The following DEPDC5 variants were observed in gnomAD, a reference collection of about 807,000 sequenced individuals.
The protein encoded by DEPDC5 is GATOR1 complex protein DEPDC5.
DEPDC5 carries 73 observed loss-of-function variants against 217.3 expected under a neutral mutation model. That is an observed-to-expected ratio of 0.34 (90% CI 0.28 to 0.41). The LOEUF (loss-of-function observed/expected upper bound fraction) is 0.41. Ranked by LOEUF, DEPDC5 falls within the 10% of genes least tolerant of loss-of-function variation. The pLI is 1.00. For missense variants in DEPDC5, 1,675 were observed against 2,070.1 expected (o/e 0.81, Z 3.70); for synonymous variants, 733 against 756.7 (o/e 0.97, Z 0.51).
At position 31,793,069 on chromosome 22, in the gene DEPDC5, AAAAT is replaced by A. The variant is rs376718942; in HGVS notation, c.767+280_767+283del. ...TGGGAGAGAGTGAGACCCTGTCTCC[AAAAT>A]AAATAAATAAATAAATAAATAAATA... is the stretch of plus-strand genomic sequence containing the variant. On this transcript the variant is annotated intron_variant, in intron 12 of 42. Transcript: ENST00000651528. 4.4e-3 allele frequency among the ~76,000 whole-genome samples: 662 copies of A among 151,020 alleles called. 1 individual carries two copies. The highest frequency in any genetic ancestry group is 0.013 in the African/African-American group (538 of 40,788).
chr22:31,850,616 T>C (rs1216378405), intron 31 of DEPDC5, among the ~76,000 whole-genome samples: 1 of 152,152 alleles, frequency 6.6e-6, no homozygotes, highest in Non-Finnish European at 1.5e-5. Context: ...TTAGGACTAT[T>C]GTAATGCAAA....
rs1569185783 is a variant in DEPDC5 at position 31,879,552 on chromosome 22, G to T, written c.3833G>T (p.Trp1278Leu). 1 of 1,611,952 alleles carries T rather than the reference G, an allele frequency of 6.2e-7. No individual in the cohort carries two copies. The highest frequency in any genetic ancestry group is 1.7e-5 in the Admixed American group (1 of 60,014). The part of the protein sequence containing the change: ...RVAMQQPATT[W>L]HTAGVDDFAS... ...GCCATGCAGCAGCCCGCCACCACCTGGCACACAGCAGGAGTGGACGACTTC... is the reference window on the plus strand; with the variant it reads ...GCCATGCAGCAGCCCGCCACCACCTTGCACACAGCAGGAGTGGACGACTTC... Residue 1278 changes from tryptophan to leucine, a missense_variant, in exon 38 of 43, where the codon TGG becomes TTG. Coordinates refer to ENST00000651528, the MANE Select transcript of DEPDC5 (RefSeq NM_001242896.3).
chr22:31,828,502 A>G (rs1184200795), intron 24 of DEPDC5, among the ~76,000 whole-genome samples: 1 of 151,634 alleles, frequency 6.6e-6, no homozygotes, highest in Non-Finnish European at 1.5e-5. Context: ...TAGATAGTTG[A>G]ATGAATGCTA....
chr22:31,758,695 C>A, intron 3 of DEPDC5, 62 bp downstream of exon 3: 2 of 1,462,694 alleles, frequency 1.4e-6, no homozygotes, highest in Admixed American at 1.7e-5. Context: ...ATGTCCAAGG[C>A]AGATAGCTCT....
chr22:31,859,599 G>A lies in DEPDC5; in HGVS notation c.3265-1769G>A, dbSNP rs188290074. Among the ~76,000 whole-genome samples, 4 of 151,338 alleles carry A rather than the reference G, an allele frequency of 2.6e-5. No homozygotes were observed. In the East Asian group the frequency reaches 7.8e-4, roughly 30 times the overall value. ...GTAGAGACAGGGTTTCACCGTGTTG[G>A]CCAGGTTGGTCCCAAACTCCTGACC... On this transcript the variant is annotated intron_variant, in intron 32 of 42. Coordinates refer to ENST00000651528, the MANE Select transcript of DEPDC5 (RefSeq NM_001242896.3).
intron 38 of DEPDC5, among the ~76,000 whole-genome samples, chr22:31,889,991 A>T (rs1263072071): frequency 6.6e-6 from 1 of 152,202 alleles, no homozygotes; most frequent in African/African-American, 2.4e-5. Context: ...GGCGGCACAG[A>T]CAGGCCTCAG....
chr22:31,854,346 A>T (rs1406883851), intron 31 of DEPDC5, among the ~76,000 whole-genome samples: 1 of 152,176 alleles, frequency 6.6e-6, no homozygotes, highest in Non-Finnish European at 1.5e-5. Flanking sequence ...GTCACTGGGG[A>T]TGCAAGAATC....
At chr22:31,817,494 ATTTG>A (rs1413615532) in intron 21 of DEPDC5, 5 of 463,584 alleles carry the variant, frequency 1.1e-5, no homozygotes, top group South Asian at 4.8e-5. Context: ...GGTTTCTTTT[ATTTG>A]TTTGTTTTGA....
At chr22:31,785,812 T>G (rs2084926601) in intron 10 of DEPDC5, among the ~76,000 whole-genome samples, 1 of 152,176 alleles carries the variant, frequency 6.6e-6, no homozygotes, top group African/African-American at 2.4e-5. Flanking sequence ...GGTCAGTTGA[T>G]TTTAGACAAG....
At chr22:31,780,982 C>G (rs1040136201) in intron 8 of DEPDC5, among the ~76,000 whole-genome samples, 11 of 151,988 alleles carry the variant, frequency 7.2e-5, no homozygotes, top group Admixed American at 3.9e-4. Context: ...CTTGGGAGGC[C>G]GAGGCAGGTG....
rs2093770264 is a variant in DEPDC5, at chr22:31,907,166, T to G, written c.*669T>G. ...GGCTTAGAGTCTGGCTGGGAGTTTATTGAGAGATTTCTTTCATAGGCCACT... is the reference window on the plus strand; with the variant it reads ...GGCTTAGAGTCTGGCTGGGAGTTTAGTGAGAGATTTCTTTCATAGGCCACT... On this transcript the variant is annotated 3_prime_UTR_variant, in exon 43 of 43. Coordinates refer to ENST00000651528, the MANE Select transcript of DEPDC5 (RefSeq NM_001242896.3). 6.5e-6 allele frequency: 1 copy of G among 153,226 alleles called. No homozygotes were observed. Among genetic ancestry groups the G allele is most frequent in the Non-Finnish European group, 1.5e-5 (1 of 68,826 alleles). 9.5% of individuals were successfully genotyped at this position (153,226 alleles called of 1,614,324 possible). A position where few individuals can be genotyped will look rare whatever the true frequency, so the allele number is the denominator to read the frequency against.
At chr22:31,851,438 C>T (rs1039586955) in intron 31 of DEPDC5, among the ~76,000 whole-genome samples, 25 of 152,186 alleles carry the variant, frequency 1.6e-4, no homozygotes, top group African/African-American at 5.8e-4. Flanking sequence ...CCTTCCCTGC[C>T]CCTCTCCACC....
chr22:31,845,013 C>T lies in DEPDC5; in HGVS notation c.2802-5C>T, dbSNP rs773932646. 3 of 1,614,140 alleles carry T rather than the reference C, an allele frequency of 1.9e-6. No homozygotes were observed. In the South Asian group the frequency reaches 3.3e-5, roughly 18 times the overall value. On this transcript the variant is annotated splice_polypyrimidine_tract_variant and splice_region_variant and intron_variant, in intron 29 of 42. Coordinates refer to ENST00000651528, the MANE Select transcript of DEPDC5 (RefSeq NM_001242896.3). ...CACCACCCTGTGTTTTCCTTGCCCC[C>T]TTAGCTTAATTGAGTCCCTGAAGTT...
At chr22:31,836,765 A>G (rs2091029263) in intron 25 of DEPDC5, 1 of 561,050 alleles carries the variant, frequency 1.8e-6, no homozygotes, top group Non-Finnish European at 3.2e-6. Context: ...ATGGGATTGG[A>G]TAAGCATGTG....
rs535227372 is a variant in DEPDC5 at position 31,810,403 on chromosome 22, C to T, written c.1325-118C>T. ...CCTTGCAGATTTTGGTGAAGATTAT[C>T]TGAAGGCCTCTGTTTGAAATGTATT... On this transcript the variant is annotated intron_variant, in intron 19 of 42. Transcript: ENST00000651528. The T allele has an allele frequency of 2.1e-5, 31 of 1,470,010 alleles. No homozygotes were observed. In the Admixed American group the frequency reaches 3.8e-4, roughly 18 times the overall value. 91.1% of individuals were successfully genotyped at this position (1,470,010 alleles called of 1,614,324 possible).
intron 7 of DEPDC5, among the ~76,000 whole-genome samples, chr22:31,770,766 G>A (rs1458182373): frequency 6.9e-6 from 1 of 145,014 alleles, no homozygotes; most frequent in South Asian, 2.2e-4. Context: ...GTAGTCCCTC[G>A]TTATAAAGAT....
chr22:31,879,873 A>AGT, intron 38 of DEPDC5, 121 bp downstream of exon 38: 1 of 959,506 alleles, frequency 1.0e-6, no homozygotes, highest in Non-Finnish European at 1.6e-6. Context: ...GCCGTCACAC[A>AGT]GGCCACTGTG....
At chr22:31,892,345 T>A (rs934637005) in intron 38 of DEPDC5, among the ~76,000 whole-genome samples, 1 of 152,240 alleles carries the variant, frequency 6.6e-6, no homozygotes, top group African/African-American at 2.4e-5. Context: ...ATTGACTATT[T>A]CTTTTAGAGC....
rs1479291481 is a variant in DEPDC5, at chr22:31,778,082, T to C, written c.414-17T>C. 4 of 1,613,714 alleles carry C rather than the reference T, an allele frequency of 2.5e-6. No individual in the cohort carries two copies. In the South Asian group the frequency reaches 4.4e-5, roughly 18 times the overall value. On this transcript the variant is annotated splice_polypyrimidine_tract_variant and intron_variant, in intron 7 of 42. Transcript: ENST00000651528. Reference sequence around the variant, plus strand: ...TTCATGTAAGACTTGTAATAACTTGTGTGTGTATTCTTTCAGAGCACAGGC... The same window carrying C: ...TTCATGTAAGACTTGTAATAACTTGCGTGTGTATTCTTTCAGAGCACAGGC...
Sources: allele counts gnomAD v4.1 joint callset (sites outside exome capture counted in the v4.1 genomes callset), GRCh38; gene constraint gnomAD v4.1.1; transcripts MANE v1.5; gene names NCBI Gene and HGNC (gene_info 2026-07-23, HGNC 2026-07-21).